MAPK8IP3: variants seen among roughly 807,000 people sequenced by gnomAD.
The protein encoded by MAPK8IP3 is C-Jun-amino-terminal kinase-interacting protein 3.
In MAPK8IP3, 49 loss-of-function variants were observed where a neutral mutation model predicts 157.8. The ratio of observed to expected loss-of-function variants is 0.31; its 90% CI spans 0.25 to 0.39. MAPK8IP3 has a LOEUF of 0.39. Among genes scored for constraint, MAPK8IP3 ranks in the 10% least tolerant of loss-of-function variants. The pLI is 1.00. For synonymous variants in MAPK8IP3, 897 were observed against 777.7 expected (o/e 1.15, Z -2.55); for missense variants, 1,478 against 1,889.4 (o/e 0.78, Z 4.04).
intron 1 of MAPK8IP3, among the ~76,000 whole-genome samples, chr16:1,716,330 G>A (rs1052149763): frequency 3.0e-5 from 4 of 133,948 alleles, no homozygotes; most frequent in Non-Finnish European, 6.2e-5. Flanking sequence ...TTTTTTTTGA[G>A]ACAGAGTCTC....
chr16:1,746,818 C>T (rs749409566), intron 5 of MAPK8IP3: 70 of 600,470 alleles, frequency 1.2e-4, no homozygotes, highest in Non-Finnish European at 1.8e-4. Context: ...TCCGAGGAGC[C>T]GGAGTCAGTG....
At chr16:1,740,749 G>A (rs1221441892) in intron 4 of MAPK8IP3, among the ~76,000 whole-genome samples, 1 of 152,272 alleles carries the variant, frequency 6.6e-6, no homozygotes, top group African/African-American at 2.4e-5. Flanking sequence ...CCACTGTGGT[G>A]CTGGGGGACG....
intron 26 of MAPK8IP3, 76 bp from the exon 27 acceptor site, chr16:1,767,488 G>C: frequency 1.9e-6 from 3 of 1,554,358 alleles, no homozygotes; most frequent in South Asian, 2.4e-5. Flanking sequence ...GGTGGCCCTG[G>C]AGCTGTGGCA....
In MAPK8IP3 at chr16:1,766,424, T is replaced by G; in HGVS notation, c.2819+15T>G. 6.2e-7 allele frequency: 1 copy of G among 1,608,062 alleles called. No homozygotes were observed. ...CAGCCTGGCAGGTGAGCTCTTGGGCTGGGGCAGGAGCAGAGGGAAGGCTTG... is the reference window on the plus strand; with the variant it reads ...CAGCCTGGCAGGTGAGCTCTTGGGCGGGGGCAGGAGCAGAGGGAAGGCTTG... On this transcript the variant is annotated intron_variant, in intron 22 of 31. Coordinates refer to ENST00000610761, the MANE Select transcript of MAPK8IP3 (RefSeq NM_001318852.2).
intron 17 of MAPK8IP3, 164 bp downstream of exon 17, chr16:1,763,947 G>A: frequency 9.6e-7 from 1 of 1,046,868 alleles, no homozygotes; most frequent in East Asian, 2.7e-5. Context: ...CTCCTGGGCA[G>A]GGGTCTGGAG....
chr16:1,763,550 T>A (rs1269366271), intron 16 of MAPK8IP3, 107 bp from the exon 17 acceptor site: 22 of 1,342,298 alleles, frequency 1.6e-5, no homozygotes, highest in Non-Finnish European at 2.1e-5. Flanking sequence ...AAGGCGAGGA[T>A]GGGCCCAGGC....
intron 4 of MAPK8IP3, among the ~76,000 whole-genome samples, chr16:1,738,868 A>AGCGTGTGAGCATCCGTGT (rs2040345895): frequency 1.1e-5 from 1 of 94,200 alleles, no homozygotes; most frequent in African/African-American, 4.2e-5. Context: ...CGTCCGTGTG[A>AGCGTGTGAGCATCCGTGT]GTGTGACCAT....
Position 1,742,239 on chromosome 16 carries a change from G to A in MAPK8IP3, c.603-1093G>A, listed in dbSNP as rs1435981728. ...GGCTGTTGACTGGAAACCTCCCGCG[G>A]AGGAGGACGTAAAGGGAGACCTTGG... On this transcript the variant is annotated intron_variant, in intron 4 of 31. Transcript: ENST00000610761. This position sits in a 1 kb window ranked among gnomAD's most constrained non-coding sequence, Gnocchi z 5.0. Among the ~76,000 whole-genome samples the A allele has an allele frequency of 3.3e-5, 5 of 152,178 alleles. No homozygotes were observed. The highest frequency in any genetic ancestry group is 5.9e-5 in the Non-Finnish European group (4 of 68,022).
chr16:1,761,015 C>T (rs1284447072), intron 12 of MAPK8IP3, among the ~76,000 whole-genome samples: 1 of 152,216 alleles, frequency 6.6e-6, no homozygotes, highest in African/African-American at 2.4e-5. Flanking sequence ...AGCACTCATG[C>T]AGCAGTGGCT....
Position 1,767,794 on chromosome 16 carries a change from C to CT in MAPK8IP3, c.3410-10dup. On this transcript the variant is annotated splice_polypyrimidine_tract_variant and intron_variant, in intron 27 of 31. Transcript: ENST00000610761. ...CTCAAGGCCAGCCACCCTGACCGCTCTCCCCCACAGGCACTGGCAAGCTGG... is the reference window on the plus strand; with the variant it reads ...CTCAAGGCCAGCCACCCTGACCGCTCTTCCCCCACAGGCACTGGCAAGCTGG... The CT allele has an allele frequency of 6.2e-7, 1 of 1,611,496 alleles. No individual in the cohort carries two copies. Among genetic ancestry groups the CT allele is most frequent in the Non-Finnish European group, 8.5e-7 (1 of 1,179,828 alleles).
chr16:1,743,858 G>C lies in MAPK8IP3; in HGVS notation c.747+382G>C, dbSNP rs895989604. On this transcript the variant is annotated intron_variant, in intron 5 of 31. Transcript: ENST00000610761. This position sits in a 1 kb window ranked among gnomAD's most constrained non-coding sequence, Gnocchi z 5.6. The stretch of plus-strand genomic sequence containing the variant: ...CCCGGGCTCCAGCCAGACACATCCT[G>C]CCCCTGAGAGCCACGCCTCTACTCT... 5 of 1,094,202 alleles carry C rather than the reference G, an allele frequency of 4.6e-6. No individual in the cohort carries two copies. The Admixed American group carries it at 1.7e-4, about 37-fold the overall frequency. 67.8% of individuals were successfully genotyped at this position (1,094,202 alleles called of 1,614,324 possible). A position where few individuals can be genotyped will look rare whatever the true frequency, so the allele number is the denominator to read the frequency against.
intron 2 of MAPK8IP3, among the ~76,000 whole-genome samples, chr16:1,728,680 G>A (rs750467721): frequency 7.9e-6 from 1 of 126,436 alleles, no homozygotes; most frequent in Middle Eastern, 4.9e-3. Context: ...CATGGTACAG[G>A]GCACAGCAGC....
chr16:1,767,091 G>C, intron 25 of MAPK8IP3, 58 bp from the exon 26 acceptor site: 2 of 1,600,488 alleles, frequency 1.2e-6, no homozygotes, highest in Non-Finnish European at 1.7e-6. Context: ...TCAACCCGAT[G>C]CCCTGAGCAG....
intron 5 of MAPK8IP3, chr16:1,744,810 T>G: frequency 1.0e-6 from 1 of 985,474 alleles, no homozygotes; most frequent in Non-Finnish European, 1.2e-6. Flanking sequence ...TTGTAGCGTT[T>G]TATGTTTTCG....
Position 1,743,352 on chromosome 16 carries a change from C to A in MAPK8IP3, c.623C>A (p.Ser208Tyr). Residue 208 changes from serine to tyrosine, a missense_variant, in exon 5 of 32, where the codon TCC becomes TAC. Around this residue, in one of 11 missense-constraint regions of MAPK8IP3, gnomAD observed 315 missense variants for 394.4 expected, o/e 0.80. Transcript: ENST00000610761. The surrounding 1 kb of genome is among the most constrained non-coding windows in gnomAD (Gnocchi z 5.6). ...TTCAGCAGGAAGGAGCGCCCCACCTCCCTGAACGTGTTCCCCCTGGCTGAC... is the reference window on the plus strand; with the variant it reads ...TTCAGCAGGAAGGAGCGCCCCACCTACCTGAACGTGTTCCCCCTGGCTGAC... ...PGRSRKERPT[S>Y]LNVFPLADGT... is the part of the protein sequence containing the mutation. 1 of 1,574,704 alleles carries A rather than the reference C, an allele frequency of 6.4e-7. No homozygotes were observed. The highest frequency in any genetic ancestry group is 8.6e-7 in the Non-Finnish European group (1 of 1,164,126).
chr16:1,758,225 GC>G lies in MAPK8IP3; in HGVS notation c.1228+70del, dbSNP rs1366128199. 5 of 1,582,264 alleles carry G rather than the reference GC, an allele frequency of 3.2e-6. No individual in the cohort carries two copies. The Admixed American group carries it at 6.8e-5, about 21-fold the overall frequency. Reference sequence around the variant, plus strand: ...CGGGGGGAGTGGGTGGACGGGGGATGCCCCGAGCTATCCCGTCACCGTGGCT... The same window carrying G: ...CGGGGGGAGTGGGTGGACGGGGGATGCCCGAGCTATCCCGTCACCGTGGCT... On this transcript the variant is annotated intron_variant, in intron 9 of 31. Coordinates refer to ENST00000610761, the MANE Select transcript of MAPK8IP3 (RefSeq NM_001318852.2).
intron 9 of MAPK8IP3, 144 bp downstream of exon 9, chr16:1,758,303 A>T: frequency 1.1e-6 from 1 of 881,868 alleles, no homozygotes; most frequent in Non-Finnish European, 1.7e-6. Flanking sequence ...GCTCGCAGCC[A>T]CCGCCGCTCG....
rs2042527643 is a variant in MAPK8IP3, at chr16:1,770,137, C to T, written c.*1313C>T. ...CCGCTGCGCTGCCGGCTTCTCCCCA[C>T]CACCCTGCCACCTCCACTGTGATGT... On this transcript the variant is annotated 3_prime_UTR_variant, in exon 32 of 32. Coordinates refer to ENST00000610761, the MANE Select transcript of MAPK8IP3 (RefSeq NM_001318852.2). 1 of 152,916 alleles carries T rather than the reference C, an allele frequency of 6.5e-6. No homozygotes were observed. Among genetic ancestry groups the T allele is most frequent in the Non-Finnish European group, 1.5e-5 (1 of 68,404 alleles). The allele number at this position is 152,916 out of a possible 1,614,324, so 9.5% of individuals were successfully genotyped here.
chr16:1,766,985 G>A lies in MAPK8IP3; in HGVS notation c.3088+14G>A. 6.3e-7 allele frequency: 1 copy of A among 1,578,518 alleles called. No homozygotes were observed. The highest frequency in any genetic ancestry group is 8.6e-7 in the Non-Finnish European group (1 of 1,159,964). ...ACCGTGGTGAAGGTGGGGCCTGGCA[G>A]CACGGGGTGTGTGGGTGGCAGCTGA... On this transcript the variant is annotated intron_variant, in intron 25 of 31. Coordinates refer to ENST00000610761, the MANE Select transcript of MAPK8IP3 (RefSeq NM_001318852.2).
Sources: gnomAD v4.1 joint callset for allele counts (sites outside exome capture counted in the v4.1 genomes callset) on GRCh38, gnomAD v4.1.1 for gene constraint, gnomAD v4.1.1 regional missense constraint, Gnocchi (gnomAD v3.1) non-coding constraint, MANE v1.5 for transcripts, NCBI Gene and HGNC (gene_info 2026-07-23, HGNC 2026-07-21) for gene names.